Variants in IKZF2 observed in about 807,000 individuals in gnomAD.
The protein encoded by IKZF2 is zinc finger protein Helios.
Under a neutral mutation model 49.2 loss-of-function variants are expected in IKZF2, and 15 were observed. That is an observed-to-expected ratio of 0.30 (90% CI 0.20 to 0.47). The LOEUF (loss-of-function observed/expected upper bound fraction) is 0.47, where lower values mean the gene tolerates loss of function less well. Among genes scored for constraint, IKZF2 ranks in the 20% least tolerant of loss-of-function variants. The pLI is 1.00. For missense variants in IKZF2, 567 were observed against 664.6 expected, an observed-to-expected ratio of 0.85 and a Z score of 1.61; for synonymous variants, 227 against 221.4, an observed-to-expected ratio of 1.03 and a Z score of -0.23.
intron 4 of IKZF2, among the ~76,000 whole-genome samples, chr2:213,105,500 G>A (rs139320795): frequency 2.9e-5 from 4 of 136,232 alleles, no homozygotes; most frequent in African/African-American, 1.1e-4. Context: ...TACACAATAC[G>A]TCACCTCTGA....
At chr2:213,075,844 AAAG>A (rs1703201563) in intron 4 of IKZF2, among the ~76,000 whole-genome samples, 1 of 152,166 alleles carries the variant, frequency 6.6e-6, no homozygotes, top group South Asian at 2.1e-4. Context: ...AAGAATATGG[AAAG>A]AAGATTTTTG....
At chr2:213,143,946 A>T (rs1486020675) in intron 4 of IKZF2, among the ~76,000 whole-genome samples, 1 of 151,966 alleles carries the variant, frequency 6.6e-6, no homozygotes, top group Non-Finnish European at 1.5e-5. Flanking sequence ...CCACAAGGTA[A>T]TATCACAATT....
intron 4 of IKZF2, among the ~76,000 whole-genome samples, chr2:213,088,257 T>C: frequency 6.6e-6 from 1 of 152,222 alleles, no homozygotes; most frequent in East Asian, 1.9e-4. Flanking sequence ...TGATGGCCAG[T>C]GATGATGAGC....
At chr2:213,043,452 T>C (rs1179787193) in intron 6 of IKZF2, among the ~76,000 whole-genome samples, 2 of 152,150 alleles carry the variant, frequency 1.3e-5, no homozygotes, top group Admixed American at 6.5e-5. Context: ...AGTTATTACC[T>C]GGAGGAAAAA....
At chr2:213,116,311 T>C (rs906902986) in intron 4 of IKZF2, among the ~76,000 whole-genome samples, 3 of 152,230 alleles carry the variant, frequency 2.0e-5, no homozygotes, top group African/African-American at 7.2e-5. Flanking sequence ...ATTTCTATTA[T>C]ACAATCCCAT....
intron 4 of IKZF2, among the ~76,000 whole-genome samples, chr2:213,127,413 A>G (rs2125873505): frequency 6.6e-6 from 1 of 152,322 alleles, no homozygotes; most frequent in Non-Finnish European, 1.5e-5. Flanking sequence ...CTCAGTAAAT[A>G]GCACTTTTAC....
chr2:213,100,364 T>C (rs1706511492), intron 4 of IKZF2, among the ~76,000 whole-genome samples: 1 of 151,978 alleles, frequency 6.6e-6, no homozygotes, highest in South Asian at 2.1e-4. Context: ...AATACTTGAT[T>C]TTAAGAATGA....
intron 4 of IKZF2, among the ~76,000 whole-genome samples, chr2:213,126,067 T>C (rs1378570913): frequency 6.6e-6 from 1 of 152,216 alleles, no homozygotes; most frequent in Non-Finnish European, 1.5e-5. Flanking sequence ...CTTTATACTA[T>C]GTTCCTATAT....
At chr2:213,129,060 ACAC>A (rs537373211) in intron 4 of IKZF2, among the ~76,000 whole-genome samples, 243 of 151,898 alleles carry the variant, frequency 1.6e-3, no homozygotes, top group Middle Eastern at 6.8e-3. Context: ...ACAGTGTAAA[ACAC>A]TTTGTTTGCT....
intron 6 of IKZF2, among the ~76,000 whole-genome samples, chr2:213,026,931 C>T (rs541034559): frequency 5.9e-5 from 9 of 151,846 alleles, no homozygotes; most frequent in South Asian, 2.1e-4. Flanking sequence ...TCTTTTATTA[C>T]GTTAATGATT....
At position 213,048,782 on chromosome 2, in the gene IKZF2, A is replaced by G. The variant is rs137935864; in HGVS notation, c.574+931T>C. Among the ~76,000 whole-genome samples, 908 of 152,178 alleles carry G rather than the reference A, an allele frequency of 6.0e-3. 10 individuals carry two copies. Among genetic ancestry groups the G allele is most frequent in the African/African-American group, 0.02 (851 of 41,556 alleles). On this transcript the variant is annotated intron_variant, in intron 6 of 8. Transcript: ENST00000434687. Reference sequence around the variant, plus strand: ...TAGTACAGCCTTAAGGATAAAAAGGAAAAATGTAAAGAGAGATAATACAAT... The same window carrying G: ...TAGTACAGCCTTAAGGATAAAAAGGGAAAATGTAAAGAGAGATAATACAAT...
intron 6 of IKZF2, among the ~76,000 whole-genome samples, chr2:213,043,072 C>G (rs570874511): frequency 1.3e-5 from 2 of 151,778 alleles, no homozygotes; most frequent in African/African-American, 4.8e-5. Flanking sequence ...ACCTAACTAC[C>G]AGGCCTATGC....
At chr2:213,126,914 C>T (rs1255354134) in intron 4 of IKZF2, among the ~76,000 whole-genome samples, 1 of 152,060 alleles carries the variant, frequency 6.6e-6, no homozygotes, top group African/African-American at 2.4e-5. Flanking sequence ...TTACACACAC[C>T]AAAAAACCAT....
chr2:213,151,443 T>A lies in IKZF2; in HGVS notation c.-150A>T, dbSNP rs1370302908. ...CAGTGCATGCAGTAAAATAATCCCA[T>A]CACCCTTTTGTTTGTGTTTACTGTT... On this transcript the variant is annotated 5_prime_UTR_variant, in exon 1 of 9. An upstream start codon of the reference 5' UTR is lost. Coordinates refer to ENST00000434687, the MANE Select transcript of IKZF2 (RefSeq NM_001387220.1). 6.6e-6 allele frequency: 1 copy of A among 152,550 alleles called. No individual in the cohort carries two copies. Among genetic ancestry groups the A allele is most frequent in the Non-Finnish European group, 1.5e-5 (1 of 68,030 alleles). 9.4% of individuals were successfully genotyped at this position (152,550 alleles called of 1,614,324 possible).
intron 4 of IKZF2, among the ~76,000 whole-genome samples, chr2:213,116,599 A>C (rs2059884480): frequency 6.6e-6 from 1 of 152,122 alleles, no homozygotes; most frequent in Non-Finnish European, 1.5e-5. Context: ...TTATACAGGC[A>C]GGGTGGCCTG....
At chr2:213,082,392 T>C (rs1237031835) in intron 4 of IKZF2, among the ~76,000 whole-genome samples, 1 of 152,206 alleles carries the variant, frequency 6.6e-6, no homozygotes, top group Non-Finnish European at 1.5e-5. Context: ...CCTTCTTTTA[T>C]AAACCAATGT....
chr2:213,107,576 C>T (rs1355065977), intron 4 of IKZF2, among the ~76,000 whole-genome samples: 2 of 152,188 alleles, frequency 1.3e-5, no homozygotes, highest in East Asian at 1.9e-4. Flanking sequence ...AATCATGGTT[C>T]AAGTTCAGTC....
chr2:213,150,777 T>C (rs2061258577), intron 1 of IKZF2, among the ~76,000 whole-genome samples: 1 of 151,514 alleles, frequency 6.6e-6, no homozygotes, highest in East Asian at 1.9e-4. Context: ...TTCACAGGAC[T>C]GTTTTTGGCC....
At position 213,007,771 on chromosome 2, in the gene IKZF2, C is replaced by T. The variant is rs762633591; in HGVS notation, c.1170G>A (p.Lys390=). The T allele has an allele frequency of 1.3e-5, 21 of 1,613,524 alleles. No individual in the cohort carries two copies. The highest frequency in any genetic ancestry group is 1.6e-4 in the Middle Eastern group (1 of 6,070). ...AGGCCTCTCTTTCCTGGGGTCGACT[C>T]TTTGGTCTGATGAGAGAGATGGGGC... The part of the protein sequence containing the change: ...MDGPISLIRP[K]SRPQEREASP... Residue 390 remains lysine, a synonymous_variant, in exon 9 of 9, where the codon AAG becomes AAA. Coordinates refer to ENST00000434687, the MANE Select transcript of IKZF2 (RefSeq NM_001387220.1).
Sources: allele counts gnomAD v4.1 joint callset (sites outside exome capture counted in the v4.1 genomes callset), GRCh38; gene constraint gnomAD v4.1.1; transcripts MANE v1.5; gene names NCBI Gene and HGNC (gene_info 2026-07-23, HGNC 2026-07-21).